OR9K2: variants seen among roughly 807,000 people sequenced by gnomAD.
The protein encoded by OR9K2 is olfactory receptor 9K2.
A neutral mutation model predicts 12.4 loss-of-function variants in OR9K2; 16 were observed. That is an observed-to-expected ratio of 1.29 (90% CI 0.87 to 1.95). OR9K2 has a LOEUF of 1.95. OR9K2 is among the 30% of genes most tolerant of loss of function. The pLI, the probability that OR9K2 is intolerant of heterozygous loss-of-function variation, is 0.00. For missense variants in OR9K2, 434 were observed against 376.5 expected (o/e 1.15, Z -1.26); for synonymous variants, 133 against 133.2 (o/e 1.00, Z 0.01).
rs1016916657 is a variant in OR9K2, at chr12:55,131,440, G to A, written c.*664G>A. Reference sequence around the variant, plus strand: ...ATCTTCAAACATTTTGATCAATCATGCCCTCAATTTTGATCTTCATGATTT... The same window carrying A: ...ATCTTCAAACATTTTGATCAATCATACCCTCAATTTTGATCTTCATGATTT... On this transcript the variant is annotated 3_prime_UTR_variant, in exon 3 of 3. Transcript: ENST00000641329. The A allele has an allele frequency of 1.3e-5, 2 of 152,098 alleles. No individual in the cohort carries two copies. The highest frequency in any genetic ancestry group is 4.8e-5 in the African/African-American group (2 of 41,412). The allele number at this position is 152,098 out of a possible 1,614,324, so 9.4% of individuals were successfully genotyped here.
In OR9K2 at chr12:55,131,447, A is replaced by T. The variant is rs1953472673; in HGVS notation, c.*671A>T. 1 of 152,190 alleles carries T rather than the reference A, an allele frequency of 6.6e-6. No individual in the cohort carries two copies. The highest frequency in any genetic ancestry group is 1.5e-5 in the Non-Finnish European group (1 of 68,038). 9.4% of individuals were successfully genotyped at this position (152,190 alleles called of 1,614,324 possible). On this transcript the variant is annotated 3_prime_UTR_variant, in exon 3 of 3. Coordinates refer to ENST00000641329, the MANE Select transcript of OR9K2 (RefSeq NM_001005243.2). ...AACATTTTGATCAATCATGCCCTCA[A>T]TTTTGATCTTCATGATTTTGTCTTG...
rs117193563 is a variant in OR9K2, at chr12:55,131,543, C to T, written c.*767C>T. ...GAAGTCATCAAAACGGATTATGATC[C>T]AAAATTTACTTATCTATGCCTCTTA... On this transcript the variant is annotated 3_prime_UTR_variant, in exon 3 of 3. Coordinates refer to ENST00000641329, the MANE Select transcript of OR9K2 (RefSeq NM_001005243.2). 48 of 152,136 alleles carry T rather than the reference C, an allele frequency of 3.2e-4. 1 individual carries two copies. The East Asian group carries it at 9.1e-3, about 29-fold the overall frequency. The allele number at this position is 152,136 out of a possible 1,614,324, so 9.4% of individuals were successfully genotyped here.
In OR9K2 at chr12:55,130,351, G is replaced by T. The variant is rs77545847; in HGVS notation, c.517G>T (p.Ala173Ser). 1.9e-6 allele frequency: 3 copies of T among 1,613,872 alleles called. No individual in the cohort carries two copies. Among genetic ancestry groups the T allele is most frequent in the Admixed American group, 3.3e-5 (2 of 59,946 alleles). ...TSMTFTLSFCASRAVDHFYCD... is the reference protein window; with the variant it reads ...TSMTFTLSFCSSRAVDHFYCD... The stretch of plus-strand genomic sequence containing the variant: ...CATGACATTTACTTTATCTTTTTGC[G>T]CTTCTCGGGCTGTTGACCACTTTTA... Residue 173 changes from alanine (A) to serine (S), a missense_variant, in exon 3 of 3, where the codon GCT becomes TCT. Ala to Ser is a moderately conservative substitution (Grantham distance 99). Coordinates refer to ENST00000641329, the MANE Select transcript of OR9K2 (RefSeq NM_001005243.2).
Position 55,131,967 on chromosome 12 carries a change from G to A in OR9K2, c.*1191G>A, listed in dbSNP as rs1953476661. 6.6e-6 allele frequency: 1 copy of A among 152,138 alleles called. No individual in the cohort carries two copies. The highest frequency in any genetic ancestry group is 1.5e-5 in the Non-Finnish European group (1 of 68,042). 9.4% of individuals were successfully genotyped at this position (152,138 alleles called of 1,614,324 possible). On this transcript the variant is annotated 3_prime_UTR_variant, in exon 3 of 3. Coordinates refer to ENST00000641329, the MANE Select transcript of OR9K2 (RefSeq NM_001005243.2). ...AAATATATTAACTGACTAGTATGAAGAGAATGTACAAAAGATGGTATGTTA... is the reference window on the plus strand; with the variant it reads ...AAATATATTAACTGACTAGTATGAAAAGAATGTACAAAAGATGGTATGTTA...
intron 2 of OR9K2, chr12:55,129,624 A>G: frequency 4.7e-6 from 3 of 638,770 alleles, no homozygotes; most frequent in Non-Finnish European, 8.0e-6. Context: ...TCTAACACTT[A>G]AAGAAATAAG....
chr12:55,127,577 A>G (rs1283495360), intron 2 of OR9K2, among the ~76,000 whole-genome samples: 1 of 152,014 alleles, frequency 6.6e-6, no homozygotes, highest in Non-Finnish European at 1.5e-5. Flanking sequence ...TTAAATAATG[A>G]TAACATCTTA....
At chr12:55,129,749 A>G in intron 2 of OR9K2, 77 bp from the exon 3 acceptor site, 2 of 1,555,620 alleles carry the variant, frequency 1.3e-6, no homozygotes, top group Non-Finnish European at 8.8e-7. Context: ...AAATCCTAAT[A>G]CCATAAGAGA....
intron 2 of OR9K2, among the ~76,000 whole-genome samples, chr12:55,128,997 T>C (rs1398259406): frequency 1.3e-5 from 2 of 151,880 alleles, no homozygotes; most frequent in Non-Finnish European, 2.9e-5. Flanking sequence ...TCAGGAAAAA[T>C]AACTAATGGG....
rs1488524044 is a variant in OR9K2 at position 55,131,099 on chromosome 12, A to G, written c.*323A>G. On this transcript the variant is annotated 3_prime_UTR_variant, in exon 3 of 3. Coordinates refer to ENST00000641329, the MANE Select transcript of OR9K2 (RefSeq NM_001005243.2). ...ATTTTGTATTTTGTTATAGTGCTTC[A>G]GCAAGATTTTATCTGGTGTTTGTCT... The G allele has an allele frequency of 5.4e-6, 1 of 183,740 alleles. No homozygotes were observed. The highest frequency in any genetic ancestry group is 1.1e-5 in the Non-Finnish European group (1 of 88,876). 11.4% of individuals were successfully genotyped at this position (183,740 alleles called of 1,614,324 possible).
At chr12:55,129,730 T>A (rs780477805) in intron 2 of OR9K2, 96 bp from the exon 3 acceptor site, 2 of 1,416,926 alleles carry the variant, frequency 1.4e-6, no homozygotes, top group African/African-American at 2.9e-5. Context: ...AATTTAAAAA[T>A]AGCTTTGTAA....
In OR9K2 at chr12:55,130,628, C is replaced by T. The variant is rs140329988; in HGVS notation, c.794C>T (p.Pro265Leu). Residue 265 changes from proline (P) to leucine (L), a missense_variant, in exon 3 of 3, where the codon CCT becomes CTT. Physicochemically the swap from Pro to Leu is moderately conservative, Grantham distance 98. Transcript: ENST00000641329. ...GCTGTCTTTTTTATGTATCTCACTCCTGACAGATTTCCTGAGCTGAGTAAA... is the reference window on the plus strand; with the variant it reads ...GCTGTCTTTTTTATGTATCTCACTCTTGACAGATTTCCTGAGCTGAGTAAA... ...YGAVFFMYLT[P>L]DRFPELSKVA... 6.8e-6 allele frequency: 11 copies of T among 1,613,934 alleles called. No individual in the cohort carries two copies. In the African/African-American group the frequency reaches 1.2e-4, roughly 18 times the overall value.
Position 55,127,614 on chromosome 12 carries a change from T to C in OR9K2, c.-10+703T>C, listed in dbSNP as rs149156861. Among the ~76,000 whole-genome samples, 99 of 152,190 alleles carry C rather than the reference T, an allele frequency of 6.5e-4. 1 individual carries two copies. The highest frequency in any genetic ancestry group is 2.3e-3 in the African/African-American group (95 of 41,578). ...TCAGCTTTTCTCTTAATAATCTTTTTTCTCAGGCAAAATATTCCATTTCTC... is the reference window on the plus strand; with the variant it reads ...TCAGCTTTTCTCTTAATAATCTTTTCTCTCAGGCAAAATATTCCATTTCTC... On this transcript the variant is annotated intron_variant, in intron 2 of 2. Coordinates refer to ENST00000641329, the MANE Select transcript of OR9K2 (RefSeq NM_001005243.2).
chr12:55,129,321 G>GC (rs1555162858), intron 2 of OR9K2, among the ~76,000 whole-genome samples: 253 of 147,526 alleles, frequency 1.7e-3, no homozygotes, highest in African/African-American at 5.4e-3. Flanking sequence ...TCTCAAGTAG[G>GC]TTTTTTTTTT....
At chr12:55,127,672 G>A (rs1475139563) in intron 2 of OR9K2, among the ~76,000 whole-genome samples, 1 of 151,744 alleles carries the variant, frequency 6.6e-6, no homozygotes, top group African/African-American at 2.4e-5. Context: ...ACTTTTAACA[G>A]ATTGATTCTT....
Position 55,132,452 on chromosome 12 carries a change from G to A in OR9K2, c.*1676G>A, listed in dbSNP as rs1953481432. The stretch of plus-strand genomic sequence containing the variant: ...AAGAGGAGATTAGGGCACACAGAGG[G>A]ACACCAGGGGTGCATGTGCACAGAA... On this transcript the variant is annotated 3_prime_UTR_variant, in exon 3 of 3. Transcript: ENST00000641329. 6.6e-6 allele frequency: 1 copy of A among 152,198 alleles called. No homozygotes were observed. The highest frequency in any genetic ancestry group is 2.1e-4 in the South Asian group (1 of 4,830). The allele number at this position is 152,198 out of a possible 1,614,324, so 9.4% of individuals were successfully genotyped here.
chr12:55,130,777 T>A lies in OR9K2; in HGVS notation c.*1T>A. On this transcript the variant is annotated 3_prime_UTR_variant, in exon 3 of 3. Transcript: ENST00000641329. The stretch of plus-strand genomic sequence containing the variant: ...AGAGAAGAAAAATATTATTCTTTGA[T>A]TATTATTTCTCTTTCACCAATTTTA... 7 of 1,478,662 alleles carry A rather than the reference T, an allele frequency of 4.7e-6. No homozygotes were observed. Among genetic ancestry groups the A allele is most frequent in the Non-Finnish European group, 6.5e-6 (7 of 1,078,778 alleles). The allele number at this position is 1,478,662 out of a possible 1,614,324, so 91.6% of individuals were successfully genotyped here. A position where few individuals can be genotyped will look rare whatever the true frequency, so the allele number is the denominator to read the frequency against.
Position 55,130,290 on chromosome 12 carries a change from T to A in OR9K2, c.456T>A (p.Tyr152Ter). Residue 152 changes from tyrosine (Y) to a stop codon, truncating the protein, a stop_gained, in exon 3 of 3, where the codon TAT (tyrosine) becomes TAA (stop). Transcript: ENST00000641329. LOFTEE classifies it high-confidence loss of function. ...RLCTQLVAGS[Y>*]FCGCISSVIQ... is the part of the protein sequence containing the mutation. Reference sequence around the variant, plus strand: ...GTACTCAGTTGGTGGCTGGTTCCTATTTTTGTGGCTGCATTAGCTCAGTTA... The same window carrying A: ...GTACTCAGTTGGTGGCTGGTTCCTAATTTTGTGGCTGCATTAGCTCAGTTA... The A allele has an allele frequency of 6.2e-7, 1 of 1,614,072 alleles. No individual in the cohort carries two copies. The highest frequency in any genetic ancestry group is 1.7e-5 in the Admixed American group (1 of 59,992).
chr12:55,130,215 T>C lies in OR9K2; in HGVS notation c.381T>C (p.Ile127=). ...LLAAMAYDRF[I]AICNPLLYSV... ...CGGCCATGGCTTATGACCGCTTTAT[T>C]GCCATCTGCAACCCTCTGCTCTACT... Residue 127 remains isoleucine, a synonymous_variant, in exon 3 of 3, where the codon ATT becomes ATC. Transcript: ENST00000641329. The C allele has an allele frequency of 6.2e-7, 1 of 1,614,132 alleles. No individual in the cohort carries two copies. Among genetic ancestry groups the C allele is most frequent in the Non-Finnish European group, 8.5e-7 (1 of 1,179,996 alleles).
At chr12:55,129,223 GTGCTTGGT>G (rs1953449917) in intron 2 of OR9K2, among the ~76,000 whole-genome samples, 1 of 152,056 alleles carries the variant, frequency 6.6e-6, no homozygotes, top group Non-Finnish European at 1.5e-5. Context: ...TAATAATTTT[GTGCTTGGT>G]TGCACACACC....
Sources: gnomAD v4.1 joint callset for allele counts (sites outside exome capture counted in the v4.1 genomes callset) on GRCh38, gnomAD v4.1.1 for gene constraint, MANE v1.5 for transcripts, NCBI Gene and HGNC (gene_info 2026-07-23, HGNC 2026-07-21) for gene names.